The following ERC2 variants were observed in gnomAD, a reference collection of about 807,000 sequenced individuals.
ERC2 encodes ERC protein 2.
A neutral mutation model predicts 114.8 loss-of-function variants in ERC2; 42 were observed. That is an observed-to-expected ratio of 0.37 (90% CI 0.29 to 0.47). ERC2 has a LOEUF of 0.47. Among genes scored for constraint, ERC2 ranks in the 20% least tolerant of loss-of-function variants. The pLI is 0.99. For missense variants in ERC2, 939 were observed against 1,150.7 expected (o/e 0.82, Z 2.66); for synonymous variants, 454 against 425.5 (o/e 1.07, Z -0.82).
At chr3:56,098,060 G>A (rs17235284) in intron 6 of ERC2, among the ~76,000 whole-genome samples, 37,211 of 152,044 alleles carry the variant, frequency 0.24, 5,759 homozygotes, top group Middle Eastern at 0.36. Flanking sequence ...GAAATACCCA[G>A]AAATGAGAGC....
intron 14 of ERC2, among the ~76,000 whole-genome samples, chr3:55,884,955 C>A (rs964006068): frequency 1.3e-5 from 2 of 152,100 alleles, no homozygotes; most frequent in African/African-American, 2.4e-5. Context: ...ATTATCACCT[C>A]CATTTTACTG....
At chr3:55,855,728 T>A (rs73834032) in intron 14 of ERC2, among the ~76,000 whole-genome samples, 1,600 of 152,266 alleles carry the variant, frequency 0.011, 29 homozygotes, top group African/African-American at 0.037. Context: ...TTAGAACAAA[T>A]GTGGAGCTAG....
At chr3:55,597,617 T>C (rs1366748533) in intron 17 of ERC2, among the ~76,000 whole-genome samples, 1 of 152,192 alleles carries the variant, frequency 6.6e-6, no homozygotes, top group Admixed American at 6.5e-5. Flanking sequence ...TGTACTTTTC[T>C]TCATGCAACT....
At chr3:55,616,039 C>A (rs1480036644) in intron 17 of ERC2, among the ~76,000 whole-genome samples, 1 of 152,184 alleles carries the variant, frequency 6.6e-6, no homozygotes, top group Non-Finnish European at 1.5e-5. Context: ...TGGAAATTCA[C>A]TCTAGTGTCT....
intron 14 of ERC2, among the ~76,000 whole-genome samples, chr3:55,865,493 A>T (rs972584298): frequency 6.6e-6 from 1 of 152,126 alleles, no homozygotes; most frequent in African/African-American, 2.4e-5. Flanking sequence ...ACAATTCACC[A>T]TTGAACTACA....
intron 17 of ERC2, among the ~76,000 whole-genome samples, chr3:55,589,427 C>T (rs1042429472): frequency 2.6e-5 from 4 of 152,104 alleles, no homozygotes; most frequent in East Asian, 1.9e-4. Context: ...GAAATAATTC[C>T]GCACATCTAC....
At chr3:56,293,273 A>T (rs1189077928) in intron 3 of ERC2, among the ~76,000 whole-genome samples, 1 of 152,192 alleles carries the variant, frequency 6.6e-6, no homozygotes, top group Non-Finnish European at 1.5e-5. Context: ...TAATTCTCCC[A>T]ATAAGTAACA....
In ERC2 at chr3:56,362,031, T is replaced by C. The variant is rs1576596688; in HGVS notation, c.658-65596A>G. Among the ~76,000 whole-genome samples the C allele has an allele frequency of 2.0e-5, 3 of 152,180 alleles. No homozygotes were observed. In the South Asian group the frequency reaches 6.2e-4, roughly 31 times the overall value. On this transcript the variant is annotated intron_variant, in intron 2 of 17. Transcript: ENST00000288221. ...AAGGAAGGCCATACCTTCCCATTGA[T>C]GGAGGCAGAGGCTTAAAGCTCAGCC... is the stretch of plus-strand genomic sequence containing the variant.
At chr3:55,543,388 G>A (rs1021852241) in intron 17 of ERC2, among the ~76,000 whole-genome samples, 51 of 152,150 alleles carry the variant, frequency 3.4e-4, no homozygotes, top group Admixed American at 3.2e-3. Flanking sequence ...AAAACATCCC[G>A]ATGAAAAAGG....
At chr3:55,979,449 C>G (rs1183699708) in intron 12 of ERC2, among the ~76,000 whole-genome samples, 2 of 152,200 alleles carry the variant, frequency 1.3e-5, no homozygotes, top group African/African-American at 4.8e-5. Context: ...TCAAGACTTG[C>G]TAATATTCAC....
At chr3:56,354,987 G>A (rs2058688613) in intron 2 of ERC2, among the ~76,000 whole-genome samples, 1 of 152,194 alleles carries the variant, frequency 6.6e-6, no homozygotes, top group Non-Finnish European at 1.5e-5. Context: ...GAGACAAATA[G>A]GGAGATACAG....
intron 14 of ERC2, among the ~76,000 whole-genome samples, chr3:55,769,268 T>A (rs1024145871): frequency 6.6e-6 from 1 of 152,070 alleles, no homozygotes; most frequent in Non-Finnish European, 1.5e-5. Flanking sequence ...GCTGATGAGG[T>A]CAAGTCATTC....
rs112210717 is a variant in ERC2 at position 55,967,766 on chromosome 3, G to A, written c.2268-17206C>T. Among the ~76,000 whole-genome samples the A allele has an allele frequency of 6.2e-3, 944 of 152,294 alleles. 9 individuals carry two copies. Among genetic ancestry groups the A allele is most frequent in the African/African-American group, 0.022 (911 of 41,566 alleles). On this transcript the variant is annotated intron_variant, in intron 12 of 17. Transcript: ENST00000288221. Reference sequence around the variant, plus strand: ...TCATGGAGGCACCGTCCTTATGAATGGATTAATGCTGTTGTCCTGGGAGTG... The same window carrying A: ...TCATGGAGGCACCGTCCTTATGAATAGATTAATGCTGTTGTCCTGGGAGTG...
chr3:56,244,586 G>T (rs1371855628), intron 3 of ERC2, among the ~76,000 whole-genome samples: 2 of 151,838 alleles, frequency 1.3e-5, no homozygotes, highest in East Asian at 3.9e-4. Context: ...TAATGTGTGT[G>T]TTTGTGTTTT....
rs112375904 is a variant in ERC2, at chr3:56,131,278, G to T, written c.1473+8231C>A. Reference sequence around the variant, plus strand: ...CCGTCAAATAAAAACATTTTAAAATGTGAAGCCAACAGCAGGATTAGGGAG... The same window carrying T: ...CCGTCAAATAAAAACATTTTAAAATTTGAAGCCAACAGCAGGATTAGGGAG... On this transcript the variant is annotated intron_variant, in intron 6 of 17. Coordinates refer to ENST00000288221, the MANE Select transcript of ERC2 (RefSeq NM_015576.3). 6.2e-3 allele frequency among the ~76,000 whole-genome samples: 946 copies of T among 152,282 alleles called. 4 individuals are homozygous for T. The highest frequency in any genetic ancestry group is 0.01 in the Middle Eastern group (3 of 294).
At chr3:56,053,172 G>A (rs1222706160) in intron 7 of ERC2, among the ~76,000 whole-genome samples, 1 of 152,168 alleles carries the variant, frequency 6.6e-6, no homozygotes, top group African/African-American at 2.4e-5. Flanking sequence ...CCAACCTAAG[G>A]TTTCAGGAAA....
At chr3:56,457,770 G>T (rs546156158) in intron 1 of ERC2, among the ~76,000 whole-genome samples, 1 of 152,082 alleles carries the variant, frequency 6.6e-6, no homozygotes, top group South Asian at 2.1e-4. Context: ...TGGACCTAGT[G>T]CATGCTATTC....
chr3:55,954,391 T>A (rs1383580348), intron 12 of ERC2, among the ~76,000 whole-genome samples: 1 of 152,160 alleles, frequency 6.6e-6, no homozygotes, highest in African/African-American at 2.4e-5. Flanking sequence ...AGAAAGCATG[T>A]CAGAGAGAAC....
At chr3:56,175,699 T>C (rs1374802952) in intron 3 of ERC2, among the ~76,000 whole-genome samples, 3 of 152,130 alleles carry the variant, frequency 2.0e-5, no homozygotes, top group Non-Finnish European at 2.9e-5. Flanking sequence ...CATCCCTGAA[T>C]GCAGAATTGG....
Sources: gnomAD v4.1 joint callset for allele counts (sites outside exome capture counted in the v4.1 genomes callset) on GRCh38, gnomAD v4.1.1 for gene constraint, MANE v1.5 for transcripts, NCBI Gene and HGNC (gene_info 2026-07-23, HGNC 2026-07-21) for gene names.